Variants in SLC25A33 observed in about 807,000 individuals in gnomAD.
SLC25A33 encodes bone marrow stromal cell mitochondrial carrier protein.
Under a neutral mutation model 35.5 loss-of-function variants are expected in SLC25A33, and 15 were observed. The observed-to-expected ratio is 0.42, with a 90% CI of 0.28 to 0.65. The LOEUF is 0.65. Ranked by LOEUF, SLC25A33 falls within the 30% of genes least tolerant of loss-of-function variation. The pLI, the probability that SLC25A33 is intolerant of heterozygous loss-of-function variation, is 0.20. For missense variants in SLC25A33, 257 were observed against 398.5 expected, an observed-to-expected ratio of 0.64 and a Z score of 3.02; for synonymous variants, 136 against 148.7, an observed-to-expected ratio of 0.91 and a Z score of 0.62.
At chr1:9,544,009 G>A (rs1009466384) in intron 1 of SLC25A33, among the ~76,000 whole-genome samples, 1 of 152,068 alleles carries the variant, frequency 6.6e-6, no homozygotes, top group African/African-American at 2.4e-5. Context: ...GGAGGCTGAG[G>A]TAGGAAAATC....
chr1:9,584,502 C>G lies in SLC25A33; in HGVS notation c.*2001C>G, dbSNP rs1441424014. 1 of 152,300 alleles carries G rather than the reference C, an allele frequency of 6.6e-6. No homozygotes were observed. Among genetic ancestry groups the G allele is most frequent in the African/African-American group, 2.4e-5 (1 of 41,466 alleles). 9.4% of individuals were successfully genotyped at this position (152,300 alleles called of 1,614,324 possible). A position where few individuals can be genotyped will look rare whatever the true frequency, so the allele number is the denominator to read the frequency against. ...ACAGCCTCCACCTCCCGGTTTCAAG[C>G]AATTCTCCTGTCTTAGCCTCCTGAG... On this transcript the variant is annotated 3_prime_UTR_variant, in exon 7 of 7. Transcript: ENST00000302692.
chr1:9,568,317 T>C (rs1411857390), intron 3 of SLC25A33, among the ~76,000 whole-genome samples: 1 of 152,104 alleles, frequency 6.6e-6, no homozygotes, highest in Admixed American at 6.6e-5. Flanking sequence ...GGCAGGCACC[T>C]GTAATCCCAC....
intron 5 of SLC25A33, among the ~76,000 whole-genome samples, chr1:9,573,726 G>T (rs140830967): frequency 6.6e-6 from 1 of 152,282 alleles, no homozygotes; most frequent in East Asian, 1.9e-4. Context: ...CAGTTGAAGT[G>T]CTGTGGGTTC....
chr1:9,550,678 TAATTAATTA>T (rs1289172539), intron 1 of SLC25A33, among the ~76,000 whole-genome samples: 1 of 151,980 alleles, frequency 6.6e-6, no homozygotes, highest in Non-Finnish European at 1.5e-5. Context: ...ATTAATTAAT[TAATTAATTA>T]TTGAGACTGA....
chr1:9,551,693 G>T (rs1273682092), intron 1 of SLC25A33, among the ~76,000 whole-genome samples: 2 of 152,120 alleles, frequency 1.3e-5, no homozygotes, highest in African/African-American at 2.4e-5. Flanking sequence ...TAATGAGAAA[G>T]ACTTTTTTTT....
chr1:9,576,064 C>T (rs970069531), intron 5 of SLC25A33, among the ~76,000 whole-genome samples: 1 of 152,146 alleles, frequency 6.6e-6, no homozygotes, highest in Admixed American at 6.6e-5. Context: ...TAAATGCGTC[C>T]ATCAGCTGAG....
At chr1:9,580,841 C>T (rs919095107) in intron 6 of SLC25A33, among the ~76,000 whole-genome samples, 26 of 142,692 alleles carry the variant, frequency 1.8e-4, no homozygotes, top group Middle Eastern at 3.7e-3. Context: ...GGCAACAGAG[C>T]GAGACTCTGT....
At chr1:9,541,507 G>A (rs891679598) in intron 1 of SLC25A33, among the ~76,000 whole-genome samples, 1 of 152,210 alleles carries the variant, frequency 6.6e-6, no homozygotes, top group South Asian at 2.1e-4. Flanking sequence ...ATGTTGGCCA[G>A]GCTGGCACTC....
chr1:9,561,636 G>A (rs892949402), intron 2 of SLC25A33, among the ~76,000 whole-genome samples: 8 of 152,070 alleles, frequency 5.3e-5, no homozygotes, highest in South Asian at 4.2e-4. Context: ...TATGGAGACC[G>A]CCTTTCTTAA....
At chr1:9,572,801 C>T (rs1440906330) in intron 4 of SLC25A33, among the ~76,000 whole-genome samples, 3 of 151,230 alleles carry the variant, frequency 2.0e-5, no homozygotes, top group African/African-American at 7.3e-5. Context: ...GGTGTGTTGG[C>T]TCATGCTTGT....
At chr1:9,545,088 G>T (rs1403208557) in intron 1 of SLC25A33, among the ~76,000 whole-genome samples, 1 of 152,184 alleles carries the variant, frequency 6.6e-6, no homozygotes, top group East Asian at 1.9e-4. Flanking sequence ...AGGCATGGGT[G>T]TAAAAGGATT....
chr1:9,553,267 C>T (rs1263212807), intron 1 of SLC25A33, among the ~76,000 whole-genome samples: 1 of 118,266 alleles, frequency 8.5e-6, no homozygotes, highest in Non-Finnish European at 1.6e-5. Context: ...TGCTCTGTCA[C>T]TCAGGCTGGA....
intron 1 of SLC25A33, among the ~76,000 whole-genome samples, chr1:9,553,214 T>G (rs868785810): frequency 3.7e-4 from 50 of 136,592 alleles, no homozygotes; most frequent in Middle Eastern, 3.6e-3. Flanking sequence ...TTTTTTTTTT[T>G]TTTTTTTTTT....
chr1:9,558,381 G>A (rs1643375450), intron 2 of SLC25A33, among the ~76,000 whole-genome samples: 1 of 152,308 alleles, frequency 6.6e-6, no homozygotes, highest in South Asian at 2.1e-4. Flanking sequence ...CCAGACCCTG[G>A]CCTTCTCTAG....
At chr1:9,577,589 T>A (rs1347784244) in intron 5 of SLC25A33, among the ~76,000 whole-genome samples, 3 of 151,066 alleles carry the variant, frequency 2.0e-5, no homozygotes, top group African/African-American at 7.3e-5. Flanking sequence ...GAGAAGGGAG[T>A]TATGGAAGAA....
At chr1:9,567,172 ATC>A (rs1643520735) in intron 2 of SLC25A33, 110 bp from the exon 3 acceptor site, 6 of 865,450 alleles carry the variant, frequency 6.9e-6, no homozygotes, top group Admixed American at 4.4e-5. Flanking sequence ...CGAGCTTGAC[ATC>A]TCTCAAACAT....
chr1:9,564,765 T>TATATACACAC (rs59741987), intron 2 of SLC25A33, among the ~76,000 whole-genome samples: 2 of 114,842 alleles, frequency 1.7e-5, no homozygotes, highest in African/African-American at 6.2e-5. Flanking sequence ...TATATATATA[T>TATATACACAC]ACACAAAAAT....
At chr1:9,574,028 T>C (rs867978395) in intron 5 of SLC25A33, among the ~76,000 whole-genome samples, 30 of 152,134 alleles carry the variant, frequency 2.0e-4, no homozygotes, top group African/African-American at 7.0e-4. Flanking sequence ...GTCTTACTTG[T>C]TGCCGAAGCT....
intron 6 of SLC25A33, among the ~76,000 whole-genome samples, chr1:9,580,879 A>T (rs1385348839): frequency 6.7e-6 from 1 of 148,558 alleles, no homozygotes; most frequent in African/African-American, 2.4e-5. Context: ...AATAATAATA[A>T]TAATAATAAT....
Sources: gnomAD v4.1 joint callset for allele counts (sites outside exome capture counted in the v4.1 genomes callset) on GRCh38, gnomAD v4.1.1 for gene constraint, MANE v1.5 for transcripts, NCBI Gene and HGNC (gene_info 2026-07-23, HGNC 2026-07-21) for gene names.